MAGI2: variants seen among roughly 807,000 people sequenced by gnomAD.
The protein encoded by MAGI2 is membrane associated guanylate kinase, WW and PDZ domain containing 2.
In MAGI2, 35 loss-of-function variants were observed where a neutral mutation model predicts 133.3. That is an observed-to-expected ratio of 0.26 (90% CI 0.20 to 0.35). The LOEUF (loss-of-function observed/expected upper bound fraction) is 0.35. Ranked by LOEUF, MAGI2 falls within the 10% of genes least tolerant of loss-of-function variation. The pLI, the probability that MAGI2 is intolerant of heterozygous loss-of-function variation, is 1.00. For synonymous variants in MAGI2, 729 were observed against 710.6 expected (o/e 1.03, Z -0.41); for missense variants, 1,636 against 1,863.4 (o/e 0.88, Z 2.25).
chr7:79,230,743 GC>G (rs2129554202), intron 1 of MAGI2, among the ~76,000 whole-genome samples: 1 of 152,142 alleles, frequency 6.6e-6, no homozygotes, highest in South Asian at 2.1e-4. Context: ...TTTGTAGGTT[GC>G]CTGTTCACTC....
chr7:78,232,865 C>G (rs931301846), intron 10 of MAGI2, among the ~76,000 whole-genome samples: 2 of 152,162 alleles, frequency 1.3e-5, no homozygotes, highest in African/African-American at 4.8e-5. Context: ...TATAAAACAA[C>G]AGCTCTGTGC....
At chr7:79,189,609 A>G (rs562444597) in intron 1 of MAGI2, among the ~76,000 whole-genome samples, 1 of 151,890 alleles carries the variant, frequency 6.6e-6, no homozygotes, top group Admixed American at 6.6e-5. Flanking sequence ...ATAATTGATG[A>G]ACCAATATTG....
intron 1 of MAGI2, among the ~76,000 whole-genome samples, chr7:79,058,891 T>C (rs566510216): frequency 4.6e-5 from 7 of 152,176 alleles, no homozygotes; most frequent in South Asian, 4.1e-4. Flanking sequence ...TTAGTGTCCT[T>C]ATGAGTAGAT....
intron 9 of MAGI2, among the ~76,000 whole-genome samples, chr7:78,335,033 T>C (rs1389812395): frequency 2.0e-5 from 3 of 152,232 alleles, no homozygotes; most frequent in Non-Finnish European, 2.9e-5. Flanking sequence ...CCATACTCTC[T>C]TGTTTTTACA....
intron 3 of MAGI2, among the ~76,000 whole-genome samples, chr7:78,580,711 C>A (rs994594078): frequency 3.9e-5 from 6 of 152,134 alleles, no homozygotes; most frequent in Non-Finnish European, 4.4e-5. Flanking sequence ...CTGATGCCTA[C>A]GTATAGCCCA....
intron 21 of MAGI2, among the ~76,000 whole-genome samples, chr7:78,028,592 C>T (rs530759216): frequency 2.0e-5 from 3 of 152,220 alleles, no homozygotes; most frequent in South Asian, 4.1e-4. Context: ...TGGTGGTTCA[C>T]ACCTGTAATC....
intron 3 of MAGI2, among the ~76,000 whole-genome samples, chr7:78,622,463 T>C (rs1025390057): frequency 2.0e-5 from 3 of 152,014 alleles, no homozygotes; most frequent in African/African-American, 7.2e-5. Context: ...AGACTTTTTA[T>C]TAAAGGAACC....
chr7:79,123,785 CAAA>C (rs71095377), intron 1 of MAGI2, among the ~76,000 whole-genome samples: 1 of 60,764 alleles, frequency 1.6e-5, no homozygotes, highest in Admixed American at 2.6e-4. Context: ...GACTCCATCT[CAAA>C]AAAAAAAAAA....
At chr7:78,650,675 ACCATTC>A (rs1811467757) in intron 2 of MAGI2, among the ~76,000 whole-genome samples, 5 of 152,134 alleles carry the variant, frequency 3.3e-5, no homozygotes, top group Admixed American at 2.6e-4. Context: ...TATAATCATT[ACCATTC>A]CAAGTCAATA....
At chr7:79,153,804 A>G (rs763620065) in intron 1 of MAGI2, among the ~76,000 whole-genome samples, 1 of 152,208 alleles carries the variant, frequency 6.6e-6, no homozygotes, top group Non-Finnish European at 1.5e-5. Flanking sequence ...TATGCAAAGC[A>G]TCACATTAAT....
At chr7:78,721,952 ATGTAT>A (rs1250991696) in intron 2 of MAGI2, among the ~76,000 whole-genome samples, 3 of 151,910 alleles carry the variant, frequency 2.0e-5, no homozygotes, top group Non-Finnish European at 2.9e-5. Flanking sequence ...TTTTAATAAA[ATGTAT>A]TGTATAATCT....
At chr7:78,745,932 G>A (rs1239606550) in intron 2 of MAGI2, among the ~76,000 whole-genome samples, 1 of 152,254 alleles carries the variant, frequency 6.6e-6, no homozygotes, top group South Asian at 2.1e-4. Context: ...CTGTTGAACA[G>A]AAAGAAAATA....
At chr7:79,298,548 A>G (rs1327469006) in intron 1 of MAGI2, among the ~76,000 whole-genome samples, 1 of 152,136 alleles carries the variant, frequency 6.6e-6, no homozygotes, top group African/African-American at 2.4e-5. Flanking sequence ...AATTTTTTTC[A>G]TTAATATAGC....
intron 6 of MAGI2, among the ~76,000 whole-genome samples, chr7:78,457,134 C>T (rs1789403847): frequency 1.3e-5 from 2 of 152,184 alleles, no homozygotes; most frequent in South Asian, 4.1e-4. Context: ...TCAGGGAGAG[C>T]TGCTTTCCAC....
chr7:78,280,960 A>G (rs992466395), intron 9 of MAGI2, among the ~76,000 whole-genome samples: 1 of 152,070 alleles, frequency 6.6e-6, no homozygotes, highest in African/African-American at 2.4e-5. Context: ...CAGAGCCATA[A>G]TTGTTAAATA....
intron 2 of MAGI2, among the ~76,000 whole-genome samples, chr7:78,995,217 C>G (rs553356452): frequency 6.6e-6 from 1 of 151,630 alleles, no homozygotes; most frequent in African/African-American, 2.4e-5. Flanking sequence ...AAAGAGTTTA[C>G]AAGTTTGTGT....
At chr7:78,629,597 C>T (rs1808747032) in intron 2 of MAGI2, among the ~76,000 whole-genome samples, 1 of 152,146 alleles carries the variant, frequency 6.6e-6, no homozygotes, top group Non-Finnish European at 1.5e-5. Context: ...TTGGTTATTT[C>T]ATTACTGACA....
At chr7:78,159,786 T>G in intron 16 of MAGI2, 1 of 347,880 alleles carries the variant, frequency 2.9e-6, no homozygotes, top group Non-Finnish European at 5.1e-6. Context: ...ATGAAGAGCT[T>G]TTATAGGGGT....
intron 1 of MAGI2, among the ~76,000 whole-genome samples, chr7:79,055,338 G>A (rs1813055985): frequency 6.6e-6 from 1 of 151,564 alleles, no homozygotes; most frequent in Non-Finnish European, 1.5e-5. Context: ...AACTGTGTCT[G>A]GCGCATAATA....
Sources: gnomAD v4.1 joint callset for allele counts (sites outside exome capture counted in the v4.1 genomes callset) on GRCh38, gnomAD v4.1.1 for gene constraint, MANE v1.5 for transcripts, NCBI Gene and HGNC (gene_info 2026-07-23, HGNC 2026-07-21) for gene names.